SLC9A4: variants seen among roughly 807,000 people sequenced by gnomAD.
SLC9A4 encodes the protein solute carrier family 9 member A4.
Under a neutral mutation model 67.4 loss-of-function variants are expected in SLC9A4, and 63 were observed. The observed-to-expected ratio is 0.93, with a 90% CI of 0.76 to 1.15. The LOEUF (loss-of-function observed/expected upper bound fraction) is 1.15, where lower values mean the gene tolerates loss of function less well. Ranked by LOEUF, SLC9A4 falls within the 50% of genes most tolerant of loss-of-function variation. The probability of loss-of-function intolerance (pLI) is 0.00; values close to 1 mark genes in which losing one functional copy is unlikely to be tolerated. For missense variants in SLC9A4, 1,089 were observed against 987.7 expected (o/e 1.10, Z -1.38); for synonymous variants, 393 against 367.2 (o/e 1.07, Z -0.80).
Position 102,525,112 on chromosome 2 carries a change from G to A in SLC9A4, c.1907G>A (p.Arg636Lys). Reference sequence around the variant, plus strand: ...CTGATCCGCCGCCAGAACACCTTAAGGGAGAGCATGAGGAAAGGTCACAGC... The same window carrying A: ...CTGATCCGCCGCCAGAACACCTTAAAGGAGAGCATGAGGAAAGGTCACAGC... ...EILIRRQNTL[R>K]ESMRKGHSLP... is the part of the protein sequence containing the mutation. The change falls in exon 10 of 12, where the codon AGG (arginine) becomes AAG (lysine). Residue 636 changes from arginine to lysine, a missense_variant. Physicochemically the swap from Arg to Lys is conservative, Grantham distance 26. Coordinates refer to ENST00000295269, the MANE Select transcript of SLC9A4 (RefSeq NM_001011552.4). The A allele has an allele frequency of 1.2e-6, 2 of 1,614,076 alleles. No individual in the cohort carries two copies. The highest frequency in any genetic ancestry group is 8.5e-7 in the Non-Finnish European group (1 of 1,179,990).
rs1674807857 is a variant in SLC9A4, at chr2:102,532,839, T to C, written c.*151T>C. The C allele has an allele frequency of 1.2e-6, 1 of 846,074 alleles. No homozygotes were observed. Among genetic ancestry groups the C allele is most frequent in the Admixed American group, 2.9e-5 (1 of 34,308 alleles). The allele number at this position is 846,074 out of a possible 1,614,324, so 52.4% of individuals were successfully genotyped here. A position where few individuals can be genotyped will look rare whatever the true frequency, so the allele number is the denominator to read the frequency against. On this transcript the variant is annotated 3_prime_UTR_variant, in exon 12 of 12. Coordinates refer to ENST00000295269, the MANE Select transcript of SLC9A4 (RefSeq NM_001011552.4). ...ATCTATAAGCAGCAGGAAGATTTTT[T>C]CCAAGGACTGGGAGCAAACTTGCAG...
At chr2:102,520,280 G>C (rs1386666376) in intron 9 of SLC9A4, among the ~76,000 whole-genome samples, 5 of 152,132 alleles carry the variant, frequency 3.3e-5, no homozygotes. Context: ...ACAGAACAAA[G>C]ATGGCACCAG....
chr2:102,531,114 G>C (rs917247284), intron 11 of SLC9A4, among the ~76,000 whole-genome samples: 6 of 142,860 alleles, frequency 4.2e-5, no homozygotes, highest in Non-Finnish European at 6.0e-5. Flanking sequence ...CAAATCTGGA[G>C]TGCAGTGGCG....
At chr2:102,475,957 A>T (rs1009999156) in intron 1 of SLC9A4, among the ~76,000 whole-genome samples, 2 of 152,230 alleles carry the variant, frequency 1.3e-5, no homozygotes. Flanking sequence ...ATTATGATTC[A>T]TTCTTTTATT....
chr2:102,527,494 T>A (rs1342855507), intron 11 of SLC9A4, among the ~76,000 whole-genome samples: 6 of 152,194 alleles, frequency 3.9e-5, no homozygotes, highest in Non-Finnish European at 8.8e-5. Flanking sequence ...TAAGGTATTA[T>A]CAACTTTTAA....
rs1684986462 is a variant in SLC9A4, at chr2:102,503,521, C to T, written c.794C>T (p.Ala265Val). 6.2e-7 allele frequency: 1 copy of T among 1,614,062 alleles called. No individual in the cohort carries two copies. ...FEDIETVDILAGCARFIVVGL... is the reference protein window; with the variant it reads ...FEDIETVDILVGCARFIVVGL... ...GACATAGAAACTGTCGACATTTTGGCTGGATGTGCCCGATTCATCGTTGTG... is the reference window on the plus strand; with the variant it reads ...GACATAGAAACTGTCGACATTTTGGTTGGATGTGCCCGATTCATCGTTGTG... Residue 265 changes from alanine to valine, a missense_variant, in exon 3 of 12, where the codon GCT (alanine) becomes GTT (valine). Ala to Val is a moderately conservative substitution (Grantham distance 64, BLOSUM62 0). Coordinates refer to ENST00000295269, the MANE Select transcript of SLC9A4 (RefSeq NM_001011552.4).
chr2:102,520,572 C>T (rs572362105), intron 9 of SLC9A4, among the ~76,000 whole-genome samples: 1 of 152,102 alleles, frequency 6.6e-6, no homozygotes, highest in Admixed American at 6.5e-5. Context: ...AGTCATCTAA[C>T]GAAGTCATAT....
Position 102,473,756 on chromosome 2 carries a change from A to G in SLC9A4, c.-4A>G, listed in dbSNP as rs1168282260. 5.0e-6 allele frequency: 8 copies of G among 1,613,636 alleles called. No individual in the cohort carries two copies. The highest frequency in any genetic ancestry group is 6.8e-6 in the Non-Finnish European group (8 of 1,179,786). On this transcript the variant is annotated 5_prime_UTR_variant, in exon 1 of 12. Coordinates refer to ENST00000295269, the MANE Select transcript of SLC9A4 (RefSeq NM_001011552.4). ...AGGGGTGTAGGTAGGAGAAGCCCACAGGAATGGCTCTGCAGATGTTCGTGA... is the reference window on the plus strand; with the variant it reads ...AGGGGTGTAGGTAGGAGAAGCCCACGGGAATGGCTCTGCAGATGTTCGTGA...
intron 7 of SLC9A4, among the ~76,000 whole-genome samples, 180 bp downstream of exon 7, chr2:102,512,453 CAGGTGGAAGACG>C (rs1685185169): frequency 6.6e-6 from 1 of 152,202 alleles, no homozygotes; most frequent in Non-Finnish European, 1.5e-5. Flanking sequence ...GAAGAATTGT[CAGGTGGAAGACG>C]CAGTTGACTT....
At chr2:102,524,003 C>G (rs1388536163) in intron 9 of SLC9A4, among the ~76,000 whole-genome samples, 2 of 152,242 alleles carry the variant, frequency 1.3e-5, no homozygotes, top group Non-Finnish European at 2.9e-5. Flanking sequence ...AATCTTATCA[C>G]TTAGCTGCAC....
At chr2:102,512,934 G>C (rs1025456513) in intron 7 of SLC9A4, among the ~76,000 whole-genome samples, 3 of 152,132 alleles carry the variant, frequency 2.0e-5, no homozygotes, top group Non-Finnish European at 1.5e-5. Flanking sequence ...GAAGTGGTCA[G>C]AGAGGCTGGC....
intron 2 of SLC9A4, among the ~76,000 whole-genome samples, chr2:102,480,981 G>A (rs1462440239): frequency 1.3e-5 from 2 of 152,312 alleles, no homozygotes; most frequent in South Asian, 2.1e-4. Flanking sequence ...GTTCTCACAG[G>A]AGGAGATGAT....
intron 2 of SLC9A4, among the ~76,000 whole-genome samples, chr2:102,496,520 A>G (rs1264929641): frequency 1.3e-5 from 2 of 152,242 alleles, no homozygotes; most frequent in Non-Finnish European, 2.9e-5. Flanking sequence ...AGAAATAAAC[A>G]TTTAGCAGAG....
chr2:102,512,998 C>T (rs1685197091), intron 7 of SLC9A4, among the ~76,000 whole-genome samples: 1 of 152,050 alleles, frequency 6.6e-6, no homozygotes, highest in Admixed American at 6.5e-5. Flanking sequence ...GGACCCAGCA[C>T]GTCAGGAGAC....
rs528543785 is a variant in SLC9A4 at position 102,517,651 on chromosome 2, C to A, written c.1722-2208C>A. Among the ~76,000 whole-genome samples, 85 of 152,204 alleles carry A rather than the reference C, an allele frequency of 5.6e-4. 1 individual carries two copies. The highest frequency in any genetic ancestry group is 1.7e-3 in the South Asian group (8 of 4,818). On this transcript the variant is annotated intron_variant, in intron 8 of 11. Coordinates refer to ENST00000295269, the MANE Select transcript of SLC9A4 (RefSeq NM_001011552.4). ...GACAAAAATGTAAGGTGATGGATAT[C>A]CCAATTACCCTAATTTAATTATATG...
chr2:102,475,742 G>A (rs1213198525), intron 1 of SLC9A4, among the ~76,000 whole-genome samples: 2 of 152,214 alleles, frequency 1.3e-5, no homozygotes, highest in Non-Finnish European at 2.9e-5. Context: ...ATGGACATGA[G>A]GAGTGAGGAG....
At chr2:102,474,477 C>T (rs1167843727) in intron 1 of SLC9A4, among the ~76,000 whole-genome samples, 1 of 152,112 alleles carries the variant, frequency 6.6e-6, no homozygotes, top group Non-Finnish European at 1.5e-5. Flanking sequence ...GTGCTTCTTG[C>T]AAATTGACAG....
At chr2:102,510,975 G>C (rs1030687755) in intron 6 of SLC9A4, among the ~76,000 whole-genome samples, 2 of 152,192 alleles carry the variant, frequency 1.3e-5, no homozygotes, top group African/African-American at 2.4e-5. Flanking sequence ...TAATGAAAGA[G>C]CATTCTGACA....
At chr2:102,492,942 T>A (rs1435244314) in intron 2 of SLC9A4, among the ~76,000 whole-genome samples, 9 of 152,334 alleles carry the variant, frequency 5.9e-5, no homozygotes, top group Non-Finnish European at 5.9e-5. Flanking sequence ...TTCCACAGAT[T>A]TCTAAAGCAG....
Sources: allele counts gnomAD v4.1 joint callset (sites outside exome capture counted in the v4.1 genomes callset), GRCh38; gene constraint gnomAD v4.1.1; transcripts MANE v1.5; gene names NCBI Gene and HGNC (gene_info 2026-07-23, HGNC 2026-07-21).